The following RASA3 variants were observed in gnomAD, a reference collection of about 807,000 sequenced individuals.
The protein encoded by RASA3 is RAS p21 protein activator 3, also known as ras GTPase-activating protein 3.
A neutral mutation model predicts 110.0 loss-of-function variants in RASA3; 73 were observed. The observed-to-expected ratio is 0.66, with a 90% CI of 0.55 to 0.81. The LOEUF is 0.81. Ranked by LOEUF, RASA3 falls within the 30% of genes least tolerant of loss-of-function variation. The pLI is 0.00. For missense variants in RASA3, 976 were observed against 1,113.2 expected (o/e 0.88, Z 1.75); for synonymous variants, 500 against 451.4 (o/e 1.11, Z -1.37).
intron 1 of RASA3, among the ~76,000 whole-genome samples, chr13:114,076,809 T>C (rs1379258905): frequency 6.6e-6 from 1 of 152,178 alleles, no homozygotes; most frequent in Non-Finnish European, 1.5e-5. Flanking sequence ...GGCCCTGTTT[T>C]GGAACTGACG....
intron 22 of RASA3, among the ~76,000 whole-genome samples, chr13:113,984,476 A>G (rs2053006122): frequency 1.9e-5 from 1 of 52,540 alleles, no homozygotes; most frequent in African/African-American, 6.0e-5. Flanking sequence ...CCATCCGTCC[A>G]TCCACCCATC....
At chr13:114,130,363 C>A (rs2080501006) in intron 1 of RASA3, among the ~76,000 whole-genome samples, 1 of 152,204 alleles carries the variant, frequency 6.6e-6, no homozygotes, top group Non-Finnish European at 1.5e-5. Context: ...ACTGCTGCTG[C>A]CCCTGGGAGG....
chr13:114,013,801 CATCT>C (rs2053711094), intron 14 of RASA3, among the ~76,000 whole-genome samples: 1 of 119,600 alleles, frequency 8.4e-6, no homozygotes, highest in Non-Finnish European at 1.8e-5. Flanking sequence ...TCCCTAACTC[CATCT>C]CTCTCTCCCC....
intron 1 of RASA3, among the ~76,000 whole-genome samples, chr13:114,123,512 GC>G (rs1477898119): frequency 6.6e-6 from 1 of 152,260 alleles, no homozygotes; most frequent in African/African-American, 2.4e-5. Flanking sequence ...CGAACAGCCA[GC>G]CTGGGTCTAT....
rs569230937 is a variant in RASA3, at chr13:114,036,175, ATCTCCCCCACTGGCATCTGACGCTGGCG to A, written c.372+4797_372+4824del. The A allele has an allele frequency of 6.0e-3, 919 of 152,002 alleles. 3 individuals are homozygous for A. The highest frequency in any genetic ancestry group is 0.021 in the African/African-American group (879 of 41,552). The allele number at this position is 152,002 out of a possible 1,614,324, so 9.4% of individuals were successfully genotyped here. A position where few individuals can be genotyped will look rare whatever the true frequency, so the allele number is the denominator to read the frequency against. On this transcript the variant is annotated intron_variant, in intron 4 of 23. Transcript: ENST00000334062. ...GCCCTCGCTGGCATCTGACGCTGGC[ATCTCCCCCACTGGCATCTGACGCTGGCG>A]TCTCCCCCGCTGGCCCTGCATCAGG...
chr13:113,980,911 C>T (rs2052919178), intron 23 of RASA3, among the ~76,000 whole-genome samples: 1 of 152,036 alleles, frequency 6.6e-6, no homozygotes, highest in Non-Finnish European at 1.5e-5. Context: ...GGAGGGAGGA[C>T]CAAAGAGAGG....
At chr13:114,046,179 T>C (rs1015765219) in intron 3 of RASA3, among the ~76,000 whole-genome samples, 27 of 152,252 alleles carry the variant, frequency 1.8e-4, no homozygotes, top group African/African-American at 6.3e-4. Context: ...TATGAAGCTA[T>C]AGTGATCAAG....
At position 114,011,297 on chromosome 13, in the gene RASA3, T is replaced by A; in HGVS notation, c.1513-49A>T. ...GTCTATGTCAGCATCACAGAAATGCTGTGACTGTCCCAGATCGAGGGGACG... is the reference window on the plus strand; with the variant it reads ...GTCTATGTCAGCATCACAGAAATGCAGTGACTGTCCCAGATCGAGGGGACG... On this transcript the variant is annotated intron_variant, in intron 15 of 23. Coordinates refer to ENST00000334062, the MANE Select transcript of RASA3 (RefSeq NM_007368.4). The surrounding 1 kb of genome is among the most constrained non-coding windows in gnomAD (Gnocchi z 4.8). 4 of 1,495,446 alleles carry A rather than the reference T, an allele frequency of 2.7e-6. No individual in the cohort carries two copies. Among genetic ancestry groups the A allele is most frequent in the South Asian group, 1.2e-5 (1 of 86,346 alleles). 92.6% of individuals were successfully genotyped at this position (1,495,446 alleles called of 1,614,324 possible).
Position 114,096,559 on chromosome 13 carries a change from A to T in RASA3, c.56-22722T>A, listed in dbSNP as rs143292961. Among the ~76,000 whole-genome samples, 93 of 152,206 alleles carry T rather than the reference A, an allele frequency of 6.1e-4. No individual in the cohort carries two copies. Among genetic ancestry groups the T allele is most frequent in the African/African-American group, 2.0e-3 (84 of 41,532 alleles). On this transcript the variant is annotated intron_variant, in intron 1 of 23. Transcript: ENST00000334062. This position sits in a 1 kb window ranked among gnomAD's most constrained non-coding sequence, Gnocchi z 5.1. ...TACAACTCACCCTCCTCCGTGATTC[A>T]AACTGTTCCAGCCTGGAATAACCCG...
chr13:114,034,843 G>C (rs913254988), intron 4 of RASA3, among the ~76,000 whole-genome samples: 2 of 152,228 alleles, frequency 1.3e-5, no homozygotes, highest in Non-Finnish European at 2.9e-5. Flanking sequence ...CGGGGTGGAG[G>C]GGAATCTGGA....
At chr13:114,067,425 CT>C (rs1395247966) in intron 2 of RASA3, among the ~76,000 whole-genome samples, 1 of 152,246 alleles carries the variant, frequency 6.6e-6, no homozygotes, top group African/African-American at 2.4e-5. Context: ...GGAAATGTGA[CT>C]TTTCATGAGT....
intron 3 of RASA3, among the ~76,000 whole-genome samples, chr13:114,042,803 TA>T (rs2054441834): frequency 6.6e-6 from 1 of 152,206 alleles, no homozygotes; most frequent in Non-Finnish European, 1.5e-5. Context: ...CCAGCCTCAG[TA>T]AATTCGGGAA....
chr13:114,060,634 C>A (rs2079322920), intron 2 of RASA3, among the ~76,000 whole-genome samples: 1 of 152,268 alleles, frequency 6.6e-6, no homozygotes, highest in South Asian at 2.1e-4. Flanking sequence ...CAGGACCGGA[C>A]ACGCCCCGTT....
intron 1 of RASA3, among the ~76,000 whole-genome samples, chr13:114,076,022 G>A (rs1328773411): frequency 6.6e-6 from 1 of 152,150 alleles, no homozygotes; most frequent in African/African-American, 2.4e-5. Flanking sequence ...TGCGTGTGGA[G>A]GCGCCGGCAG....
chr13:114,059,655 C>A (rs2079304139), intron 2 of RASA3, among the ~76,000 whole-genome samples: 1 of 152,260 alleles, frequency 6.6e-6, no homozygotes. Context: ...CTCCCCAGGA[C>A]ACACCACTGC....
At chr13:114,088,221 G>A (rs1006690619) in intron 1 of RASA3, among the ~76,000 whole-genome samples, 8 of 152,206 alleles carry the variant, frequency 5.3e-5, no homozygotes, top group African/African-American at 1.9e-4. Flanking sequence ...CACAATTAAG[G>A]AATAATATTT....
intron 3 of RASA3, among the ~76,000 whole-genome samples, chr13:114,043,375 G>A (rs1325869088): frequency 6.6e-6 from 1 of 152,138 alleles, no homozygotes; most frequent in East Asian, 1.9e-4. Context: ...TGTCCTCAGG[G>A]GAGCCGGCTG....
At chr13:114,071,591 G>A (rs190402689) in intron 2 of RASA3, among the ~76,000 whole-genome samples, 51 of 152,298 alleles carry the variant, frequency 3.3e-4, no homozygotes, top group Non-Finnish European at 3.7e-4. Flanking sequence ...CCCAGTCATC[G>A]CCATGGCAAC....
intron 17 of RASA3, 104 bp downstream of exon 17, chr13:114,009,283 C>T (rs2053580671): frequency 2.1e-6 from 2 of 957,058 alleles, no homozygotes; most frequent in African/African-American, 1.6e-5. Context: ...TTTAAAATCG[C>T]TAATGGCCAA....
Sources: allele counts gnomAD v4.1 joint callset (sites outside exome capture counted in the v4.1 genomes callset), GRCh38; gene constraint gnomAD v4.1.1; non-coding constraint Gnocchi (gnomAD v3.1); transcripts MANE v1.5; gene names NCBI Gene and HGNC (gene_info 2026-07-23, HGNC 2026-07-21).